Variants in SPG7 observed in about 807,000 individuals in gnomAD.
The protein encoded by SPG7 is SPG7 matrix AAA peptidase subunit, paraplegin.
A neutral mutation model predicts 81.9 loss-of-function variants in SPG7; 103 were observed. The ratio of observed to expected loss-of-function variants is 1.26; its 90% CI spans 1.07 to 1.48. SPG7 has a LOEUF of 1.48. Ranked by LOEUF, SPG7 falls within the 40% of genes most tolerant of loss-of-function variation. The pLI is 0.00. For missense variants in SPG7, 1,241 were observed against 1,087.3 expected, an observed-to-expected ratio of 1.14 and a Z score of -1.99; for synonymous variants, 534 against 444.2, an observed-to-expected ratio of 1.20 and a Z score of -2.54.
At position 89,554,481 on chromosome 16, in the gene SPG7, C is replaced by CA. The variant is rs2058667352; in HGVS notation, c.2104-4dup. The CA allele has an allele frequency of 1.2e-6, 2 of 1,605,464 alleles. No homozygotes were observed. Among genetic ancestry groups the CA allele is most frequent in the Non-Finnish European group, 1.7e-6 (2 of 1,177,300 alleles). On this transcript the variant is annotated splice_polypyrimidine_tract_variant and splice_region_variant and intron_variant, in intron 15 of 16. Coordinates refer to ENST00000645818, the MANE Select transcript of SPG7 (RefSeq NM_003119.4). ...TGCCCCTGACACAGTTCCCTCCACT[C>CA]ACAGGAAGCAAGACTGCTGGTGGCC... is the stretch of plus-strand genomic sequence containing the variant.
At chr16:89,530,636 A>G (rs775000991) in intron 6 of SPG7, 47 bp from the exon 7 acceptor site, 2 of 1,613,540 alleles carry the variant, frequency 1.2e-6, no homozygotes, top group East Asian at 4.5e-5. Context: ...CGTGCTGCTG[A>G]TTTCCTGACT....
At chr16:89,522,847 GTCCTTTTCCCCACCATGCCCTCCTC>G (rs1228836494) in intron 3 of SPG7, 1 of 152,618 alleles carries the variant, frequency 6.6e-6, no homozygotes, top group Non-Finnish European at 1.5e-5. Flanking sequence ...CATCCTGGCT[GTCCTTTTCCCCACCATGCCCTCCTC>G]AGAGGCGTCT....
intron 4 of SPG7, among the ~76,000 whole-genome samples, chr16:89,525,259 G>A (rs1039569828): frequency 6.6e-6 from 1 of 152,130 alleles, no homozygotes; most frequent in Non-Finnish European, 1.5e-5. Context: ...CAGCCACCAC[G>A]CCTGGCGCTG....
At chr16:89,523,229 A>G in intron 3 of SPG7, 1 of 186,060 alleles carries the variant, frequency 5.4e-6, no homozygotes, top group Non-Finnish European at 1.1e-5. Context: ...TCTGGAGTAT[A>G]TGCCTTTAGA....
intron 3 of SPG7, chr16:89,519,311 T>C (rs1263001439): frequency 6.6e-6 from 1 of 151,654 alleles, no homozygotes; most frequent in African/African-American, 2.4e-5. Context: ...TACAACTACA[T>C]GTGAAGGTAC....
chr16:89,544,916 G>C (rs1451794262), intron 10 of SPG7, 144 bp downstream of exon 10: 4 of 977,446 alleles, frequency 4.1e-6, no homozygotes, highest in Non-Finnish European at 6.3e-6. Flanking sequence ...CGTGGCCCCC[G>C]CATCGGCTGC....
chr16:89,544,580 A>G (rs766503193), intron 9 of SPG7, 68 bp from the exon 10 acceptor site: 101 of 1,497,240 alleles, frequency 6.7e-5, no homozygotes, highest in Non-Finnish European at 8.5e-5. Context: ...CTGAAGGGGA[A>G]CCTGCAGGGG....
At chr16:89,537,174 G>A in intron 9 of SPG7, 1 of 1,444,898 alleles carries the variant, frequency 6.9e-7, no homozygotes, top group Non-Finnish European at 9.0e-7. Flanking sequence ...GAAGCGCACA[G>A]GATAGGGCCG....
Position 89,510,577 on chromosome 16 carries a change from C to G in SPG7, c.271C>G (p.Leu91Val). ...ACATTTAGTTCAGAATCCAGTCAGA[C>G]TCTGGCAACTTTTAGGTATGTATCT... ...KQHLVQNPVR[L>V]WQLLGGTFYF... The change falls in exon 2 of 17, where the codon CTC (leucine) becomes GTC (valine). Residue 91 changes from leucine to valine, a missense_variant. By Grantham distance (32) the Leu-to-Val change is conservative (BLOSUM62 1). Coordinates refer to ENST00000645818, the MANE Select transcript of SPG7 (RefSeq NM_003119.4). 2 of 1,608,294 alleles carry G rather than the reference C, an allele frequency of 1.2e-6. No homozygotes were observed.
At chr16:89,542,126 G>A (rs2058504074) in intron 9 of SPG7, 1 of 152,396 alleles carries the variant, frequency 6.6e-6, no homozygotes, top group Non-Finnish European at 1.5e-5. Context: ...CCCTCTAGGA[G>A]CTCGCACTGC....
rs556701978 is a variant in SPG7, at chr16:89,515,777, G to A, written c.376+2740G>A. The stretch of plus-strand genomic sequence containing the variant: ...GGCTAGAGTGCAATGGCACGATCTC[G>A]GCTCACTGCAACCTCTGCTTCCTGG... On this transcript the variant is annotated intron_variant, in intron 3 of 16. Transcript: ENST00000645818. 3.3e-5 allele frequency among the ~76,000 whole-genome samples: 5 copies of A among 149,948 alleles called. No individual in the cohort carries two copies. In the South Asian group the frequency reaches 6.3e-4, roughly 19 times the overall value.
chr16:89,512,965 A>T lies in SPG7; in HGVS notation c.304A>T (p.Asn102Tyr), dbSNP rs1336600500. 1 of 1,613,418 alleles carries T rather than the reference A, an allele frequency of 6.2e-7. No homozygotes were observed. Among genetic ancestry groups the T allele is most frequent in the South Asian group, 1.1e-5 (1 of 91,076 alleles). The part of the protein sequence containing the change: ...WQLLGGTFYF[N>Y]TSRLKQKNKE... ...TCTCATAGGTGGTACTTTCTATTTTAACACCTCAAGGTTGAAGCAGAAGAA... is the reference window on the plus strand; with the variant it reads ...TCTCATAGGTGGTACTTTCTATTTTTACACCTCAAGGTTGAAGCAGAAGAA... Residue 102 changes from asparagine (N) to tyrosine (Y), a missense_variant, in exon 3 of 17, where the codon AAC becomes TAC. By Grantham distance (143) the Asn-to-Tyr change is moderately radical. Coordinates refer to ENST00000645818, the MANE Select transcript of SPG7 (RefSeq NM_003119.4).
chr16:89,513,372 C>T (rs767199876), intron 3 of SPG7, among the ~76,000 whole-genome samples: 10 of 151,968 alleles, frequency 6.6e-5, no homozygotes, highest in Admixed American at 1.3e-4. Flanking sequence ...GAAAATTAGC[C>T]GGGCGTGATG....
Position 89,524,076 on chromosome 16 carries a change from G to T in SPG7, c.447G>T (p.Ala149=), listed in dbSNP as rs1164011433. The part of the protein sequence containing the change: ...RERLRTLLVI[A]VVMSLLNALS... Reference sequence around the variant, plus strand: ...GGCTGCGCACCTTGCTGGTCATCGCGGTTGTCATGAGCCTCCTGAATGCTC... The same window carrying T: ...GGCTGCGCACCTTGCTGGTCATCGCTGTTGTCATGAGCCTCCTGAATGCTC... The change falls in exon 4 of 17, where the codon GCG becomes GCT. Residue 149 remains alanine (A), a synonymous_variant. Coordinates refer to ENST00000645818, the MANE Select transcript of SPG7 (RefSeq NM_003119.4). 1 of 1,613,862 alleles carries T rather than the reference G, an allele frequency of 6.2e-7. No individual in the cohort carries two copies. The highest frequency in any genetic ancestry group is 1.7e-5 in the Admixed American group (1 of 60,000).
At chr16:89,534,448 C>A (rs567358245) in intron 9 of SPG7, among the ~76,000 whole-genome samples, 17 of 152,368 alleles carry the variant, frequency 1.1e-4, no homozygotes, top group African/African-American at 3.4e-4. Context: ...AACATAAGTA[C>A]AAGCATCTTC....
In SPG7 at chr16:89,515,558, C is replaced by T. The variant is rs545799844; in HGVS notation, c.376+2521C>T. Among the ~76,000 whole-genome samples, 8 of 150,290 alleles carry T rather than the reference C, an allele frequency of 5.3e-5. No individual in the cohort carries two copies. In the South Asian group the frequency reaches 1.1e-3, roughly 20 times the overall value. On this transcript the variant is annotated intron_variant, in intron 3 of 16. Coordinates refer to ENST00000645818, the MANE Select transcript of SPG7 (RefSeq NM_003119.4). ...CTGGGATTACAGGTGTGAGCCACCA[C>T]GCCCGGCTGACCTTTTTATAAAAAA...
At chr16:89,537,578 C>T (rs1266319986) in intron 9 of SPG7, 2 of 979,936 alleles carry the variant, frequency 2.0e-6, no homozygotes, top group Middle Eastern at 5.2e-4. Context: ...GTCGCCCAGG[C>T]TGGAGTGCAG....
chr16:89,514,927 G>A (rs1284819802), intron 3 of SPG7, among the ~76,000 whole-genome samples: 1 of 145,880 alleles, frequency 6.9e-6, no homozygotes, highest in Non-Finnish European at 1.5e-5. Flanking sequence ...ACCGTGCCTG[G>A]CCTTGACCTT....
rs1295336150 is a variant in SPG7, at chr16:89,557,022, T to G, written c.2317T>G (p.Leu773Val). ...CGACGCCCAGAGGGAGAAACAGGAC[T>G]TGGGCGAGGAGGAGACCGAAGAGAC... Reference protein sequence around the residue: ...WIDAQREKQDLGEEETEETQQ... With the variant: ...WIDAQREKQDVGEEETEETQQ... Residue 773 changes from leucine (L) to valine (V), a missense_variant, in exon 17 of 17, where the codon TTG (leucine) becomes GTG (valine). Leu to Val is a conservative substitution (Grantham distance 32, BLOSUM62 1). Transcript: ENST00000645818. The G allele has an allele frequency of 8.1e-6, 13 of 1,613,344 alleles. No individual in the cohort carries two copies. In the African/African-American group the frequency reaches 1.2e-4, roughly 15 times the overall value.
Sources: gnomAD v4.1 joint callset for allele counts (sites outside exome capture counted in the v4.1 genomes callset) on GRCh38, gnomAD v4.1.1 for gene constraint, MANE v1.5 for transcripts, NCBI Gene and HGNC (gene_info 2026-07-23, HGNC 2026-07-21) for gene names.